The following LCLAT1 variants were observed in gnomAD, a reference collection of about 807,000 sequenced individuals.
LCLAT1 encodes 1-AGP acyltransferase 8.
A neutral mutation model predicts 30.7 loss-of-function variants in LCLAT1; 11 were observed. The observed-to-expected ratio is 0.36, with a 90% confidence interval of 0.23 to 0.59. The LOEUF (loss-of-function observed/expected upper bound fraction) is 0.59, where lower values mean the gene tolerates loss of function less well. Among genes scored for constraint, LCLAT1 ranks in the 20% least tolerant of loss-of-function variants. LCLAT1 has a pLI of 0.77. For missense variants in LCLAT1, 402 were observed against 458.6 expected (o/e 0.88, Z 1.13); for synonymous variants, 155 against 151.3 (o/e 1.02, Z -0.18).
chr2:30,571,702 G>A (rs1665788356), intron 5 of LCLAT1, among the ~76,000 whole-genome samples: 1 of 152,102 alleles, frequency 6.6e-6, no homozygotes, highest in South Asian at 2.1e-4. Flanking sequence ...GAAATACTGG[G>A]TGCATTATAT....
intron 5 of LCLAT1, among the ~76,000 whole-genome samples, chr2:30,594,754 G>GAAAC (rs964684685): frequency 1.3e-5 from 2 of 152,078 alleles, no homozygotes; most frequent in African/African-American, 4.8e-5. Flanking sequence ...TAATTTAAAT[G>GAAAC]AAACAATGCA....
chr2:30,560,101 T>C (rs1665124668), intron 3 of LCLAT1, among the ~76,000 whole-genome samples: 3 of 152,134 alleles, frequency 2.0e-5, no homozygotes, highest in Non-Finnish European at 2.9e-5. Context: ...AGGACAGATG[T>C]GTGGGAGCGG....
intron 5 of LCLAT1, among the ~76,000 whole-genome samples, chr2:30,616,228 A>G (rs1032820669): frequency 3.1e-4 from 47 of 152,188 alleles, no homozygotes; most frequent in African/African-American, 1.1e-3. Context: ...AGCAGGAGAA[A>G]GTTGAAATGG....
rs57639202 is a variant in LCLAT1, at chr2:30,475,168, A to T, written c.-5+27785A>T. On this transcript the variant is annotated intron_variant, in intron 1 of 5. Transcript: ENST00000379509. ...ATGTGCCACCACCACTGGTTAATAAATTTTTTTTTTTGTAGAGGCAGAGTC... is the reference window on the plus strand; with the variant it reads ...ATGTGCCACCACCACTGGTTAATAATTTTTTTTTTTTGTAGAGGCAGAGTC... 2.9e-3 allele frequency among the ~76,000 whole-genome samples: 421 copies of T among 145,996 alleles called. 3 individuals are homozygous for T. The highest frequency in any genetic ancestry group is 0.01 in the African/African-American group (399 of 39,832).
intron 1 of LCLAT1, among the ~76,000 whole-genome samples, chr2:30,490,516 G>A (rs1180145123): frequency 6.6e-6 from 1 of 152,066 alleles, no homozygotes; most frequent in Non-Finnish European, 1.5e-5. Flanking sequence ...TTTGAAGAGG[G>A]GTTTGATTGT....
intron 1 of LCLAT1, among the ~76,000 whole-genome samples, chr2:30,508,591 A>T (rs4952136): frequency 0.13 from 19,205 of 152,036 alleles, 1,346 homozygotes; most frequent in South Asian, 0.23. Flanking sequence ...TGGGTTCTCT[A>T]TTCTGTTCCA....
intron 5 of LCLAT1, among the ~76,000 whole-genome samples, chr2:30,595,841 C>G (rs1666905991): frequency 6.6e-6 from 1 of 152,138 alleles, no homozygotes; most frequent in South Asian, 2.1e-4. Context: ...GTTCCCCTAA[C>G]TATGTCCATA....
At chr2:30,478,012 G>A (rs991010506) in intron 1 of LCLAT1, among the ~76,000 whole-genome samples, 2 of 150,616 alleles carry the variant, frequency 1.3e-5, no homozygotes, top group Non-Finnish European at 2.9e-5. Context: ...GAATTTTGTG[G>A]TCTGAATTCT....
At chr2:30,628,068 C>CTA (rs997821734) in intron 5 of LCLAT1, among the ~76,000 whole-genome samples, 1 of 152,014 alleles carries the variant, frequency 6.6e-6, no homozygotes, top group Non-Finnish European at 1.5e-5. Flanking sequence ...TGTAAGTTGG[C>CTA]TATATATATA....
intron 1 of LCLAT1, among the ~76,000 whole-genome samples, chr2:30,491,337 A>C (rs1367686405): frequency 6.6e-6 from 1 of 152,244 alleles, no homozygotes; most frequent in Non-Finnish European, 1.5e-5. Flanking sequence ...CCACTCTTCT[A>C]AGCACTTTAC....
chr2:30,633,886 G>C (rs962232761), intron 5 of LCLAT1, among the ~76,000 whole-genome samples: 1 of 152,158 alleles, frequency 6.6e-6, no homozygotes, highest in African/African-American at 2.4e-5. Flanking sequence ...TGCATGTAGA[G>C]ACTACAAAAG....
Position 30,503,656 on chromosome 2 carries a change from G to GA in LCLAT1, c.-4-21924dup, listed in dbSNP as rs1198248412. ...ATATAGTGTACTTGCTGTTTGAGAA[G>GA]AAAAAAATGGTGATATTTTTAAAAG... On this transcript the variant is annotated intron_variant, in intron 1 of 5. Transcript: ENST00000379509. Among the ~76,000 whole-genome samples the GA allele has an allele frequency of 5.9e-5, 9 of 152,008 alleles. 1 individual carries two copies. The highest frequency in any genetic ancestry group is 5.9e-4 in the Admixed American group (9 of 15,276).
At chr2:30,524,796 T>A (rs142490816) in intron 1 of LCLAT1, among the ~76,000 whole-genome samples, 2 of 152,294 alleles carry the variant, frequency 1.3e-5, no homozygotes, top group African/African-American at 4.8e-5. Flanking sequence ...CACGCCTAAT[T>A]TGTAAGTTAA....
intron 1 of LCLAT1, among the ~76,000 whole-genome samples, chr2:30,460,053 G>A (rs1682034695): frequency 6.6e-6 from 1 of 152,056 alleles, no homozygotes; most frequent in Non-Finnish European, 1.5e-5. Context: ...TAAATTTTTT[G>A]GAGGTTATCC....
At chr2:30,558,071 T>G (rs1274869164) in intron 3 of LCLAT1, among the ~76,000 whole-genome samples, 1 of 152,184 alleles carries the variant, frequency 6.6e-6, no homozygotes, top group Non-Finnish European at 1.5e-5. Context: ...AATAACATCC[T>G]AATGAGTTTG....
chr2:30,590,501 G>C (rs1305529338), intron 5 of LCLAT1, among the ~76,000 whole-genome samples: 1 of 148,176 alleles, frequency 6.7e-6, no homozygotes, highest in East Asian at 1.9e-4. Flanking sequence ...CCATTCTTAT[G>C]TGAAGGTGGA....
rs192091067 is a variant in LCLAT1, at chr2:30,642,758, C to T, written c.*2139C>T. On this transcript the variant is annotated 3_prime_UTR_variant, in exon 6 of 6. Transcript: ENST00000379509. ...AAACATGTTTAAGATAAAATACAAA[C>T]TTTACCTACCCCAAATTCATAAAGT... The T allele has an allele frequency of 1.8e-4, 26 of 147,114 alleles. No homozygotes were observed. Among genetic ancestry groups the T allele is most frequent in the African/African-American group, 6.1e-4 (24 of 39,482 alleles). The allele number at this position is 147,114 out of a possible 1,614,324, so 9.1% of individuals were successfully genotyped here. A position where few individuals can be genotyped will look rare whatever the true frequency, so the allele number is the denominator to read the frequency against.
At chr2:30,527,660 T>A (rs1685781501) in intron 2 of LCLAT1, among the ~76,000 whole-genome samples, 1 of 152,220 alleles carries the variant, frequency 6.6e-6, no homozygotes, top group Admixed American at 6.5e-5. Flanking sequence ...AGCCTCATTG[T>A]AAGCTTTTGT....
intron 1 of LCLAT1, 124 bp from the exon 2 acceptor site, chr2:30,525,463 A>G: frequency 1.4e-6 from 1 of 733,468 alleles, no homozygotes; most frequent in Non-Finnish European, 2.3e-6. Context: ...AGACTCTTAT[A>G]TTGTTTCTTA....
Sources: allele counts gnomAD v4.1 joint callset (sites outside exome capture counted in the v4.1 genomes callset), GRCh38; gene constraint gnomAD v4.1.1; transcripts MANE v1.5; gene names NCBI Gene and HGNC (gene_info 2026-07-23, HGNC 2026-07-21).